CEP63: variants seen among roughly 807,000 people sequenced by gnomAD.
The protein encoded by CEP63 is centrosomal protein of 63 kDa.
CEP63 carries 84 observed loss-of-function variants against 89.1 expected under a neutral mutation model. The ratio of observed to expected loss-of-function variants is 0.94; its 90% confidence interval spans 0.79 to 1.13. The LOEUF (loss-of-function observed/expected upper bound fraction) is 1.13, where lower values mean the gene tolerates loss of function less well. CEP63 is among the 50% of genes most tolerant of loss of function. CEP63 has a pLI of 0.00. For synonymous variants in CEP63, 267 were observed against 272.5 expected (o/e 0.98, Z 0.20); for missense variants, 838 against 813.3 (o/e 1.03, Z -0.37).
the CEP63 span, among the ~76,000 whole-genome samples, chr3:134,672,642 G>A: frequency 7.9e-5 from 12 of 152,130 alleles, no homozygotes; most frequent in Non-Finnish European, 1.2e-4. Context: ...TCCCAGTTTC[G>A]TCATAAATGG....
the CEP63 span, among the ~76,000 whole-genome samples, chr3:134,746,770 A>T: frequency 6.6e-6 from 1 of 151,700 alleles, no homozygotes. Flanking sequence ...TTTTGATGGG[A>T]TTGTTTGCTT....
chr3:134,560,002 G>A (rs994949108), intron 14 of CEP63, among the ~76,000 whole-genome samples: 3 of 152,170 alleles, frequency 2.0e-5, no homozygotes, highest in Non-Finnish European at 4.4e-5. Flanking sequence ...TTCATTTCCT[G>A]TCACCAGCTG....
At chr3:134,773,778 GGT>G in the CEP63 span, among the ~76,000 whole-genome samples, 1 of 152,004 alleles carries the variant, frequency 6.6e-6, no homozygotes, top group African/African-American at 2.4e-5. Flanking sequence ...TCTGGATGAA[GGT>G]GCATCCCTCA....
the CEP63 span, among the ~76,000 whole-genome samples, chr3:134,695,753 G>A: frequency 0.016 from 2,474 of 152,302 alleles, 59 homozygotes; most frequent in African/African-American, 0.055. Context: ...ATGATGGCCC[G>A]AGCACTGGAG....
the CEP63 span, among the ~76,000 whole-genome samples, chr3:134,733,646 T>A: frequency 3.9e-5 from 6 of 152,008 alleles, no homozygotes; most frequent in Non-Finnish European, 8.8e-5. Context: ...CATGTGCCAG[T>A]GGAGGCAGAG....
intron 3 of CEP63, among the ~76,000 whole-genome samples, chr3:134,527,622 G>C (rs1948937475): frequency 6.6e-6 from 1 of 152,170 alleles, no homozygotes; most frequent in Non-Finnish European, 1.5e-5. Context: ...GAGTTGCTAT[G>C]GGCCTAGGGA....
intron 10 of CEP63, among the ~76,000 whole-genome samples, chr3:134,580,507 A>G (rs1041369693): frequency 6.6e-6 from 1 of 152,186 alleles, no homozygotes; most frequent in South Asian, 2.1e-4. Flanking sequence ...ACCAACCATA[A>G]CTAAATTCAT....
At chr3:134,606,703 C>T in the CEP63 span, among the ~76,000 whole-genome samples, 1 of 152,136 alleles carries the variant, frequency 6.6e-6, no homozygotes, top group South Asian at 2.1e-4. Context: ...TGTGGTGCCT[C>T]ACCCAGAGGG....
At chr3:134,665,917 C>T in the CEP63 span, among the ~76,000 whole-genome samples, 1 of 151,204 alleles carries the variant, frequency 6.6e-6, no homozygotes, top group East Asian at 1.9e-4. Flanking sequence ...AGACAGAGAC[C>T]GAGACATAGG....
At chr3:134,778,744 T>A in the CEP63 span, among the ~76,000 whole-genome samples, 1 of 152,142 alleles carries the variant, frequency 6.6e-6, no homozygotes, top group Non-Finnish European at 1.5e-5. Context: ...TATTTTTTAG[T>A]AGAGACAGGG....
At chr3:134,725,299 T>C in the CEP63 span, among the ~76,000 whole-genome samples, 41 of 152,328 alleles carry the variant, frequency 2.7e-4, no homozygotes, top group East Asian at 7.5e-3. Context: ...GATACAATTT[T>C]GTATTTTTTT....
chr3:134,651,526 G>T, the CEP63 span: 3 of 994,284 alleles, frequency 3.0e-6, no homozygotes, highest in Non-Finnish European at 3.6e-6. Context: ...TCCAAGTTTT[G>T]GCCTCGACCT....
At chr3:134,527,966 T>A (rs7613729) in intron 3 of CEP63, among the ~76,000 whole-genome samples, 151,748 of 152,250 alleles carry the variant, frequency 1, 75,628 homozygotes, top group Middle Eastern at 1. Context: ...CACCACAGAT[T>A]CTCTCACACC....
downstream of CEP63, among the ~76,000 whole-genome samples, chr3:134,567,281 G>A (rs559145194): frequency 1.4e-4 from 22 of 152,184 alleles, no homozygotes; most frequent in African/African-American, 4.6e-4. Flanking sequence ...GGTGGGAAAT[G>A]GGGTGGGGAT....
the CEP63 span, among the ~76,000 whole-genome samples, chr3:134,776,863 C>A: frequency 2.0e-5 from 3 of 152,140 alleles, no homozygotes; most frequent in Non-Finnish European, 4.4e-5. Context: ...GTTTTTAACA[C>A]TTTTGAAACC....
the CEP63 span, among the ~76,000 whole-genome samples, chr3:134,687,664 A>C: frequency 6.6e-6 from 1 of 152,214 alleles, no homozygotes; most frequent in Non-Finnish European, 1.5e-5. Context: ...TGCTTAACTT[A>C]AATTTTTAGA....
chr3:134,499,869 G>T (rs35122669), intron 2 of CEP63, among the ~76,000 whole-genome samples: 12 of 127,908 alleles, frequency 9.4e-5, no homozygotes, highest in African/African-American at 3.5e-4. Flanking sequence ...TGTTGCCCAG[G>T]CTGGAGTGCA....
At chr3:134,601,412 T>G in the CEP63 span, among the ~76,000 whole-genome samples, 2 of 152,206 alleles carry the variant, frequency 1.3e-5, no homozygotes, top group Non-Finnish European at 2.9e-5. Flanking sequence ...TATGGGGGTC[T>G]CCAGCAGGAC....
rs571013324 is a variant in CEP63 at position 134,522,941 on chromosome 3, A to G, written c.223-8904A>G. Among the ~76,000 whole-genome samples, 8 of 152,248 alleles carry G rather than the reference A, an allele frequency of 5.3e-5. 1 individual carries two copies. In the South Asian group the frequency reaches 1.5e-3, roughly 28 times the overall value. ...CCTAGTAATGGGATTGCTGGGTTGA[A>G]TGATATTTCTGTTTTTATATCTTTA... On this transcript the variant is annotated intron_variant, in intron 3 of 14. Transcript: ENST00000675561.
Sources: allele counts gnomAD v4.1 joint callset (sites outside exome capture counted in the v4.1 genomes callset), GRCh38; gene constraint gnomAD v4.1.1; transcripts MANE v1.5; gene names NCBI Gene and HGNC (gene_info 2026-07-23, HGNC 2026-07-21).